The following FGD3 variants were observed in gnomAD, a reference collection of about 807,000 sequenced individuals.
The protein encoded by FGD3 is FYVE, RhoGEF and PH domain containing 3, also known as FYVE, RhoGEF and PH domain-containing protein 3.
FGD3 carries 45 observed loss-of-function variants against 71.8 expected under a neutral mutation model. The ratio of observed to expected loss-of-function variants is 0.63; its 90% CI spans 0.49 to 0.80. The LOEUF (loss-of-function observed/expected upper bound fraction) is 0.80. Ranked by LOEUF, FGD3 falls within the 30% of genes least tolerant of loss-of-function variation. The probability of loss-of-function intolerance (pLI) is 0.00; values close to 1 mark genes in which losing one functional copy is unlikely to be tolerated. For synonymous variants in FGD3, 378 were observed against 392.8 expected, an observed-to-expected ratio of 0.96 and a Z score of 0.44; for missense variants, 844 against 951.5, an observed-to-expected ratio of 0.89 and a Z score of 1.49.
intron 1 of FGD3, among the ~76,000 whole-genome samples, chr9:92,966,401 C>A (rs2118533932): frequency 6.6e-6 from 1 of 152,330 alleles, no homozygotes; most frequent in Non-Finnish European, 1.5e-5. Flanking sequence ...CGGTGAGTGT[C>A]CCTGGTCTCA....
chr9:93,018,821 C>T (rs1005534408), intron 11 of FGD3, among the ~76,000 whole-genome samples: 13 of 152,280 alleles, frequency 8.5e-5, no homozygotes, highest in East Asian at 1.9e-4. Context: ...AGGCCCAGCA[C>T]GTTCTTAGTC....
intron 3 of FGD3, among the ~76,000 whole-genome samples, chr9:93,000,414 T>C (rs1045095890): frequency 1.1e-4 from 17 of 152,360 alleles, no homozygotes; most frequent in African/African-American, 3.4e-4. Flanking sequence ...TGTTGCTTTT[T>C]ACTATCCTTT....
intron 14 of FGD3, among the ~76,000 whole-genome samples, chr9:93,025,342 C>T (rs1396601869): frequency 2.6e-5 from 4 of 152,236 alleles, no homozygotes; most frequent in Non-Finnish European, 4.4e-5. Context: ...AGCCCAGGGC[C>T]TCCCTACGAA....
At chr9:92,974,170 C>T (rs1352200896) in intron 1 of FGD3, among the ~76,000 whole-genome samples, 1 of 152,246 alleles carries the variant, frequency 6.6e-6, no homozygotes, top group Admixed American at 6.5e-5. Flanking sequence ...CATAATTCCC[C>T]CGAGATGGGG....
chr9:93,018,198 C>G lies in FGD3; in HGVS notation c.1338C>G (p.Ser446=). The change falls in exon 11 of 18, where the codon TCC becomes TCG. Residue 446 remains serine (S), a synonymous_variant. Transcript: ENST00000375482. ...TCATCATAACAGGAAGAAAAAGGTC[C>G]CTGGAGCTGCAGACGCGGTATGGAA... The part of the protein sequence containing the change: ...HTFIITGRKR[S]LELQTRTEEE... The G allele has an allele frequency of 1.2e-6, 2 of 1,614,106 alleles. No individual in the cohort carries two copies. The highest frequency in any genetic ancestry group is 1.7e-6 in the Non-Finnish European group (2 of 1,179,990).
At chr9:92,958,888 A>T (rs1859114184) in intron 1 of FGD3, among the ~76,000 whole-genome samples, 7 of 152,364 alleles carry the variant, frequency 4.6e-5, no homozygotes, top group Admixed American at 4.6e-4. Flanking sequence ...AAAATCTATT[A>T]GTTCATTGAT....
chr9:92,986,482 A>G (rs1181652226), intron 3 of FGD3, among the ~76,000 whole-genome samples: 3 of 152,216 alleles, frequency 2.0e-5, no homozygotes. Flanking sequence ...AGGAATATTC[A>G]TGGAAAGCCT....
chr9:93,006,583 C>T (rs1444264491), intron 6 of FGD3, among the ~76,000 whole-genome samples: 1 of 152,146 alleles, frequency 6.6e-6, no homozygotes, highest in East Asian at 1.9e-4. Context: ...TGCTAAGAGC[C>T]TCCTCACAGC....
At position 93,006,148 on chromosome 9, in the gene FGD3, C is replaced by G. The variant is rs781202531; in HGVS notation, c.805C>G (p.Pro269Ala). 6.2e-7 allele frequency: 1 copy of G among 1,606,976 alleles called. No individual in the cohort carries two copies. Among genetic ancestry groups the G allele is most frequent in the African/African-American group, 1.3e-5 (1 of 74,828 alleles). ...GGTGAGCACGTGGACCCAGCGCTCC[C>G]CACTGTTTAAAGACGTCGTCCACAG... is the stretch of plus-strand genomic sequence containing the variant. ...GLVSTWTQRS[P>A]LFKDVVHSIQ... is the part of the protein sequence containing the mutation. Residue 269 changes from proline (P) to alanine (A), a missense_variant, in exon 6 of 18, where the codon CCA becomes GCA. Pro to Ala is a conservative substitution (Grantham distance 27, BLOSUM62 -1). Transcript: ENST00000375482.
At chr9:93,014,961 C>G (rs1861609313) in intron 9 of FGD3, among the ~76,000 whole-genome samples, 1 of 148,308 alleles carries the variant, frequency 6.7e-6, no homozygotes, top group Non-Finnish European at 1.5e-5. Flanking sequence ...TGCCCCCGCC[C>G]ACCCCCCCAG....
chr9:93,028,554 G>C (rs1414130509), intron 14 of FGD3, among the ~76,000 whole-genome samples: 1 of 152,166 alleles, frequency 6.6e-6, no homozygotes, highest in African/African-American at 2.4e-5. Context: ...GGAAATGCTG[G>C]GTGTGGACCA....
chr9:93,013,872 G>A lies in FGD3; in HGVS notation c.1056G>A (p.Leu352=). 1.2e-6 allele frequency: 2 copies of A among 1,612,872 alleles called. No individual in the cohort carries two copies. Residue 352 remains leucine (L), a synonymous_variant, in exon 9 of 18, where the codon TTG becomes TTA. Transcript: ENST00000375482. ...IRKVEKMHKL[L]EVYEQLGGEE... Reference sequence around the variant, plus strand: ...TGCAGGAGAAAATGCACAAGCTCTTGGAGGTGTACGAGCAGCTGGGTGGGG... The same window carrying A: ...TGCAGGAGAAAATGCACAAGCTCTTAGAGGTGTACGAGCAGCTGGGTGGGG...
At position 93,011,090 on chromosome 9, in the gene FGD3, C is replaced by T. The variant is rs1053582810; in HGVS notation, c.977-124C>T. 12 of 980,172 alleles carry T rather than the reference C, an allele frequency of 1.2e-5. No homozygotes were observed. In the African/African-American group the frequency reaches 1.4e-4, roughly 12 times the overall value. The allele number at this position is 980,172 out of a possible 1,614,324, so 60.7% of individuals were successfully genotyped here. On this transcript the variant is annotated intron_variant, in intron 7 of 17. Coordinates refer to ENST00000375482, the MANE Select transcript of FGD3 (RefSeq NM_001083536.2). ...GGCCAGTCCTCTAGAGTAGCCCAGGCACCCTGGGAAAGGCTGAGGGCAGAG... is the reference window on the plus strand; with the variant it reads ...GGCCAGTCCTCTAGAGTAGCCCAGGTACCCTGGGAAAGGCTGAGGGCAGAG...
At chr9:93,031,989 C>T (rs1037122688) in intron 15 of FGD3, among the ~76,000 whole-genome samples, 1 of 152,158 alleles carries the variant, frequency 6.6e-6, no homozygotes, top group Admixed American at 6.5e-5. Flanking sequence ...GTAGGAAAAG[C>T]TCTGGAAAAG....
intron 14 of FGD3, among the ~76,000 whole-genome samples, chr9:93,024,709 G>A (rs938331639): frequency 1.8e-4 from 28 of 152,244 alleles, no homozygotes; most frequent in Non-Finnish European, 4.4e-5. Context: ...GGACCTGGGC[G>A]GGTTGTAGGA....
chr9:92,982,159 C>G (rs1860023519), intron 3 of FGD3, among the ~76,000 whole-genome samples: 1 of 152,188 alleles, frequency 6.6e-6, no homozygotes, highest in Admixed American at 6.5e-5. Flanking sequence ...TTCCTAGTCT[C>G]TAGTATTCTC....
chr9:92,992,614 C>G (rs1022749144), intron 3 of FGD3, among the ~76,000 whole-genome samples: 1 of 151,916 alleles, frequency 6.6e-6, no homozygotes, highest in Non-Finnish European at 1.5e-5. Flanking sequence ...GGCCCAAGCT[C>G]TATGCATCTG....
At chr9:92,996,410 T>A (rs986143860) in intron 3 of FGD3, among the ~76,000 whole-genome samples, 7 of 152,208 alleles carry the variant, frequency 4.6e-5, no homozygotes, top group African/African-American at 1.7e-4. Context: ...ATTTTGTTGA[T>A]CTTTTCAAAA....
intron 3 of FGD3, among the ~76,000 whole-genome samples, chr9:92,984,945 G>T (rs1860135839): frequency 6.6e-6 from 1 of 151,772 alleles, no homozygotes; most frequent in Non-Finnish European, 1.5e-5. Flanking sequence ...AATTTTATTT[G>T]CTGCCTCCAG....
Sources: allele counts gnomAD v4.1 joint callset (sites outside exome capture counted in the v4.1 genomes callset), GRCh38; gene constraint gnomAD v4.1.1; transcripts MANE v1.5; gene names NCBI Gene and HGNC (gene_info 2026-07-23, HGNC 2026-07-21).